The following L1TD1 variants were observed in gnomAD, a reference collection of about 807,000 sequenced individuals.
L1TD1 encodes the protein LINE-1 type transposase domain-containing protein 1.
In L1TD1, 26 loss-of-function variants were observed where a neutral mutation model predicts 25.7. The ratio of observed to expected loss-of-function variants is 1.01; its 90% CI spans 0.74 to 1.40. The LOEUF (loss-of-function observed/expected upper bound fraction) is 1.40. L1TD1 is among the 40% of genes most tolerant of loss of function. The pLI is 0.00. For missense variants in L1TD1, 1,130 were observed against 975.0 expected, an observed-to-expected ratio of 1.16 and a Z score of -2.12; for synonymous variants, 421 against 335.6, an observed-to-expected ratio of 1.25 and a Z score of -2.78.
chr1:62,210,764 G>A lies in L1TD1; in HGVS notation c.1990G>A (p.Asp664Asn), dbSNP rs528655805. ...SRMDILEERI[D>N]SLEDQIEEFS... ...AATGGACATACTTGAAGAAAGAATA[G>A]ACAGTCTAGAAGATCAAATTGAAGA... Residue 664 changes from aspartate (D) to asparagine (N), a missense_variant, in exon 4 of 4, where the codon GAC (aspartate) becomes AAC (asparagine). Coordinates refer to ENST00000498273, the MANE Select transcript of L1TD1 (RefSeq NM_019079.5). 108 of 1,551,354 alleles carry A rather than the reference G, an allele frequency of 7.0e-5. No homozygotes were observed. The South Asian group carries it at 1.1e-3, about 15-fold the overall frequency.
intron 2 of L1TD1, among the ~76,000 whole-genome samples, chr1:62,198,196 A>G (rs10889296): frequency 0.17 from 25,922 of 151,994 alleles, 2,849 homozygotes; most frequent in East Asian, 0.56. Flanking sequence ...TTATCTTGGT[A>G]TGGTAGCATG....
intron 2 of L1TD1, among the ~76,000 whole-genome samples, chr1:62,198,716 G>GA (rs1670589457): frequency 6.6e-6 from 1 of 152,106 alleles, no homozygotes; most frequent in African/African-American, 2.4e-5. Context: ...TCCCTTGAGG[G>GA]AAGTGCTAAA....
chr1:62,210,188 T>G lies in L1TD1; in HGVS notation c.1414T>G (p.Ser472Ala). Residue 472 changes from serine (S) to alanine (A), a missense_variant, in exon 4 of 4, where the codon TCT (serine) becomes GCT (alanine). Ser to Ala is a moderately conservative substitution (Grantham distance 99). Coordinates refer to ENST00000498273, the MANE Select transcript of L1TD1 (RefSeq NM_019079.5). Reference sequence around the variant, plus strand: ...TGGCATGGAAACTACTTTCATTGACTCTGTAGAGGATTCTGAATCAGAGGA... The same window carrying G: ...TGGCATGGAAACTACTTTCATTGACGCTGTAGAGGATTCTGAATCAGAGGA... ...SDGMETTFID[S>A]VEDSESEEEE... 1.9e-6 allele frequency: 3 copies of G among 1,613,844 alleles called. No homozygotes were observed. The highest frequency in any genetic ancestry group is 2.5e-6 in the Non-Finnish European group (3 of 1,179,994).
chr1:62,209,162 G>A (rs532584561), intron 3 of L1TD1, among the ~76,000 whole-genome samples: 5 of 152,272 alleles, frequency 3.3e-5, no homozygotes, highest in Non-Finnish European at 7.3e-5. Flanking sequence ...GGAAAATTGA[G>A]GCACTAGTAG....
chr1:62,206,888 T>C lies in L1TD1; in HGVS notation c.260T>C (p.Ile87Thr), dbSNP rs568542740. The stretch of plus-strand genomic sequence containing the variant: ...GCAGTTTTAGGGGGAAAAGCTACAA[T>C]ACCTGAGGTAAAGAATTCAGAGAAC... The part of the protein sequence containing the change: ...LKAVLGGKAT[I>T]PEVKNSENSS... Residue 87 changes from isoleucine (I) to threonine (T), a missense_variant, in exon 3 of 4, where the codon ATA (isoleucine) becomes ACA (threonine). Transcript: ENST00000498273. 1.8e-5 allele frequency: 29 copies of C among 1,613,672 alleles called. No homozygotes were observed. In the South Asian group the frequency reaches 3.1e-4, roughly 17 times the overall value.
chr1:62,196,921 G>C (rs991700483), intron 2 of L1TD1, among the ~76,000 whole-genome samples: 1 of 151,882 alleles, frequency 6.6e-6, no homozygotes, highest in Non-Finnish European at 1.5e-5. Context: ...GTGAAACAAG[G>C]GAAATGACCT....
chr1:62,207,659 G>C (rs747892034), intron 3 of L1TD1, 23 bp downstream of exon 3: 5 of 1,489,180 alleles, frequency 3.4e-6, no homozygotes, highest in African/African-American at 2.8e-5. Context: ...ATGTATAAAT[G>C]TATAAAGCTT....
In L1TD1 at chr1:62,203,930, C is replaced by T. The variant is rs547828192; in HGVS notation, c.-110-2589C>T. On this transcript the variant is annotated intron_variant, in intron 2 of 3. Coordinates refer to ENST00000498273, the MANE Select transcript of L1TD1 (RefSeq NM_019079.5). ...TAGTAGAGATGGGGTTTCGCCATCT[C>T]GGCCAGGCCGGTCTCAAAGTCCTGA... 5.3e-5 allele frequency among the ~76,000 whole-genome samples: 8 copies of T among 152,064 alleles called. 1 individual carries two copies. In the South Asian group the frequency reaches 1.0e-3, roughly 20 times the overall value.
Position 62,210,117 on chromosome 1 carries a change from G to A in L1TD1, c.1343G>A (p.Gly448Asp). The stretch of plus-strand genomic sequence containing the variant: ...TCAGAACAGGACTCAACCTTTCAGG[G>A]TCATACTTTGGTAGATGCAAAGCAT... Reference protein sequence around the residue: ...QTSEQDSTFQGHTLVDAKHEV... With the variant: ...QTSEQDSTFQDHTLVDAKHEV... The change falls in exon 4 of 4, where the codon GGT becomes GAT. Residue 448 changes from glycine (G) to aspartate (D), a missense_variant. By Grantham distance (94) the Gly-to-Asp change is moderately conservative (BLOSUM62 -1). Transcript: ENST00000498273. 6.2e-7 allele frequency: 1 copy of A among 1,614,048 alleles called. No individual in the cohort carries two copies. The highest frequency in any genetic ancestry group is 8.5e-7 in the Non-Finnish European group (1 of 1,180,032).
rs1670753909 is a variant in L1TD1, at chr1:62,206,775, A to G, written c.147A>G (p.Ser49=). The change falls in exon 3 of 4, where the codon TCA becomes TCG. Residue 49 remains serine (S), a synonymous_variant. Coordinates refer to ENST00000498273, the MANE Select transcript of L1TD1 (RefSeq NM_019079.5). ...PVLDLKCKDV[S]AIMNKFKVLM... ...TAGATTTAAAATGCAAGGACGTATC[A>G]GCAATTATGAATAAGTTTAAGGTCT... 1 of 1,563,342 alleles carries G rather than the reference A, an allele frequency of 6.4e-7. No individual in the cohort carries two copies.
intron 2 of L1TD1, among the ~76,000 whole-genome samples, chr1:62,205,434 TA>T (rs1425608034): frequency 0.045 from 3,345 of 73,528 alleles, 290 homozygotes; most frequent in African/African-American, 0.074. Context: ...TATATATATA[TA>T]TATATATATT....
In L1TD1 at chr1:62,211,139, A is replaced by C. The variant is rs1440166192; in HGVS notation, c.2365A>C (p.Arg789=). 1 of 1,549,684 alleles carries C rather than the reference A, an allele frequency of 6.5e-7. No homozygotes were observed. Among genetic ancestry groups the C allele is most frequent in the Admixed American group, 2.0e-5 (1 of 50,478 alleles). The change falls in exon 4 of 4, where the codon AGA becomes CGA. Residue 789 remains arginine, a synonymous_variant. Coordinates refer to ENST00000498273, the MANE Select transcript of L1TD1 (RefSeq NM_019079.5). ...AAGAGAAATTACCTACCAAGGAACA[A>C]GAATCAGGTTGACAGCAGACTTATC... The part of the protein sequence containing the change: ...ERREITYQGT[R]IRLTADLSLD...
chr1:62,212,200 C>G lies in L1TD1; in HGVS notation c.*828C>G, dbSNP rs371311701. On this transcript the variant is annotated 3_prime_UTR_variant, in exon 4 of 4. Coordinates refer to ENST00000498273, the MANE Select transcript of L1TD1 (RefSeq NM_019079.5). ...GGTGGGTCACTTGAGCCCAAGAGTTCAAGGCCATCCTGGGCAATGTGGCGA... is the reference window on the plus strand; with the variant it reads ...GGTGGGTCACTTGAGCCCAAGAGTTGAAGGCCATCCTGGGCAATGTGGCGA... 1 of 151,978 alleles carries G rather than the reference C, an allele frequency of 6.6e-6. No homozygotes were observed. The highest frequency in any genetic ancestry group is 1.9e-4 in the East Asian group (1 of 5,174). The allele number at this position is 151,978 out of a possible 1,614,324, so 9.4% of individuals were successfully genotyped here.
At chr1:62,207,701 T>C in intron 3 of L1TD1, 65 bp downstream of exon 3, 1 of 1,430,084 alleles carries the variant, frequency 7.0e-7, no homozygotes, top group South Asian at 1.6e-5. Flanking sequence ...CATGGTTATT[T>C]TGAAGGATAA....
In L1TD1 at chr1:62,209,982, TGGA is replaced by T. The variant is rs199552452; in HGVS notation, c.1221_1223del (p.Glu409del). On this transcript the variant is annotated inframe_deletion, in exon 4 of 4. Transcript: ENST00000498273. ...GAGGATGATGAAGATACCTCAGGGC[TGGA>T]GGAGGAGGAGGAAGAGCCCTCAGGG... The T allele has an allele frequency of 7.3e-5, 106 of 1,451,428 alleles. No homozygotes were observed. The highest frequency in any genetic ancestry group is 9.1e-5 in the Non-Finnish European group (96 of 1,057,900). The allele number at this position is 1,451,428 out of a possible 1,614,324, so 89.9% of individuals were successfully genotyped here.
At chr1:62,205,633 G>T (rs970467881) in intron 2 of L1TD1, among the ~76,000 whole-genome samples, 1 of 151,154 alleles carries the variant, frequency 6.6e-6, no homozygotes, top group Non-Finnish European at 1.5e-5. Context: ...GTTTTGCCAC[G>T]TTGGCCAGGC....
At chr1:62,197,201 C>G (rs897497343) in intron 2 of L1TD1, among the ~76,000 whole-genome samples, 2 of 151,522 alleles carry the variant, frequency 1.3e-5, no homozygotes, top group Admixed American at 1.3e-4. Flanking sequence ...GTCTGGCCAA[C>G]ATGGCGAAAC....
At chr1:62,195,452 C>T (rs1042496473) in intron 1 of L1TD1, among the ~76,000 whole-genome samples, 4 of 152,238 alleles carry the variant, frequency 2.6e-5, no homozygotes, top group Non-Finnish European at 4.4e-5. Flanking sequence ...CAAGTCCTAG[C>T]TTTAGAAAAA....
intron 3 of L1TD1, among the ~76,000 whole-genome samples, 167 bp from the exon 4 acceptor site, chr1:62,209,616 T>C (rs957069551): frequency 1.3e-5 from 2 of 152,184 alleles, no homozygotes; most frequent in Non-Finnish European, 2.9e-5. Flanking sequence ...ACTTGACTTG[T>C]TTGGGGACCT....
Sources: allele counts gnomAD v4.1 joint callset (sites outside exome capture counted in the v4.1 genomes callset), GRCh38; gene constraint gnomAD v4.1.1; transcripts MANE v1.5; gene names NCBI Gene and HGNC (gene_info 2026-07-23, HGNC 2026-07-21).